The following CYGB variants were observed in gnomAD, a reference collection of about 807,000 sequenced individuals.
The protein encoded by CYGB is cytoglobin.
Under a neutral mutation model 20.7 loss-of-function variants are expected in CYGB, and 13 were observed. The observed-to-expected ratio is 0.63, with a 90% CI of 0.41 to 1.00. The LOEUF is 1.00. CYGB is among the 50% of genes least tolerant of loss of function. The probability of loss-of-function intolerance (pLI) is 0.00; values close to 1 mark genes in which losing one functional copy is unlikely to be tolerated. For missense variants in CYGB, 218 were observed against 257.2 expected (o/e 0.85, Z 1.04); for synonymous variants, 93 against 107.4 (o/e 0.87, Z 0.83).
rs1408831647 is a variant in CYGB at position 76,531,605 on chromosome 17, T to C, written c.230A>G (p.Gln77Arg). The change falls in exon 2 of 4, where the codon CAG becomes CGG. Residue 77 changes from glutamine to arginine, a missense_variant. By Grantham distance (43) the Gln-to-Arg change is conservative. Around this residue, in one of 2 missense-constraint regions of CYGB, gnomAD observed 152 missense variants for 149.9 expected, o/e 1.01. Transcript: ENST00000293230. This position sits in a 1 kb window ranked among gnomAD's most constrained non-coding sequence, Gnocchi z 7.4. ...GACTCGGCAGGCGTGCTTCCGCAGC[T>C]GGGGGCTCCGCTCCATCTCCAGGGG... Reference protein sequence around the residue: ...EDPLEMERSPQLRKHACRVMG... With the variant: ...EDPLEMERSPRLRKHACRVMG... The C allele has an allele frequency of 9.9e-6, 16 of 1,613,740 alleles. No homozygotes were observed. Among genetic ancestry groups the C allele is most frequent in the Non-Finnish European group, 1.4e-5 (16 of 1,179,648 alleles).
intron 1 of CYGB, among the ~76,000 whole-genome samples, chr17:76,535,484 G>A (rs150044095): frequency 6.6e-6 from 1 of 152,152 alleles, no homozygotes; most frequent in East Asian, 1.9e-4. Context: ...AGGAAAGCAA[G>A]GCCCTGTGGG....
chr17:76,540,678 C>A, upstream of CYGB: 1 of 1,178,114 alleles, frequency 8.5e-7, no homozygotes, highest in Non-Finnish European at 1.2e-6. This position sits in a 1 kb window ranked among gnomAD's most constrained non-coding sequence, Gnocchi z 5.0. Context: ...TGTGCGTGCA[C>A]CGTATCCTGG....
At chr17:76,540,475 G>A (rs747350100), upstream of CYGB, 5 of 1,611,776 alleles carry the variant, frequency 3.1e-6, no homozygotes, top group Non-Finnish European at 4.2e-6. The surrounding 1 kb of genome is among the most constrained non-coding windows in gnomAD (Gnocchi z 5.0). Context: ...CACAGCCATA[G>A]CTCTTCCTCC....
Position 76,531,221 on chromosome 17 carries a change from T to C in CYGB, c.376-79A>G. On this transcript the variant is annotated intron_variant, in intron 2 of 3. Coordinates refer to ENST00000293230, the MANE Select transcript of CYGB (RefSeq NM_134268.5). This position sits in a 1 kb window ranked among gnomAD's most constrained non-coding sequence, Gnocchi z 7.4. Reference sequence around the variant, plus strand: ...AACCCCCAGGCCCCTCCGCCCCACGTGTGGCCGAGAGGATCATTCCTAACG... The same window carrying C: ...AACCCCCAGGCCCCTCCGCCCCACGCGTGGCCGAGAGGATCATTCCTAACG... The C allele has an allele frequency of 6.9e-7, 1 of 1,448,740 alleles. No individual in the cohort carries two copies. Among genetic ancestry groups the C allele is most frequent in the Non-Finnish European group, 9.5e-7 (1 of 1,057,790 alleles). The allele number at this position is 1,448,740 out of a possible 1,614,324, so 89.7% of individuals were successfully genotyped here.
chr17:76,544,240 C>T (rs144319284), intron 1 of CYGB: 33 of 454,466 alleles, frequency 7.3e-5, no homozygotes, highest in Non-Finnish European at 1.3e-4. Flanking sequence ...AGCCAGCCCC[C>T]CTCCCAGCCC....
upstream of CYGB, chr17:76,540,537 G>A (rs1227914077): frequency 1.2e-6 from 2 of 1,613,652 alleles, no homozygotes; most frequent in Non-Finnish European, 8.5e-7. This position sits in a 1 kb window ranked among gnomAD's most constrained non-coding sequence, Gnocchi z 5.0. Context: ...GCAGCTAGGG[G>A]CAGCAGCTTG....
In CYGB at chr17:76,530,324, G is replaced by A. The variant is rs1157287768; in HGVS notation, c.539+655C>T. 6.6e-6 allele frequency among the ~76,000 whole-genome samples: 1 copy of A among 152,038 alleles called. No individual in the cohort carries two copies. Among genetic ancestry groups the A allele is most frequent in the Non-Finnish European group, 1.5e-5 (1 of 68,002 alleles). On this transcript the variant is annotated intron_variant, in intron 3 of 3. Transcript: ENST00000293230. The surrounding 1 kb of genome is among the most constrained non-coding windows in gnomAD (Gnocchi z 6.1). ...GGGGCTAGCCCTCCCCTCACGCTCC[G>A]AGTCAGCAGGAGTCACAGAGGGCGG...
rs2074934927 is a variant in CYGB, at chr17:76,537,627, G to C, written c.-85C>G. On this transcript the variant is annotated 5_prime_UTR_variant, in exon 1 of 4. Coordinates refer to ENST00000293230, the MANE Select transcript of CYGB (RefSeq NM_134268.5). ...CGGGGCGCGGGGCGCCGGGAGCCGGGGCCGGCTGCGTGCGCGGCGGGCGGG... is the reference window on the plus strand; with the variant it reads ...CGGGGCGCGGGGCGCCGGGAGCCGGCGCCGGCTGCGTGCGCGGCGGGCGGG... The C allele has an allele frequency of 1.0e-6, 1 of 978,688 alleles. No homozygotes were observed. Among genetic ancestry groups the C allele is most frequent in the Non-Finnish European group, 1.2e-6 (1 of 825,148 alleles). The allele number at this position is 978,688 out of a possible 1,614,324, so 60.6% of individuals were successfully genotyped here.
chr17:76,546,728 T>C lies in CYGB; in HGVS notation c.-53+4134A>G. On this transcript the variant is annotated intron_variant, in intron 1 of 3. Coordinates refer to the CYGB transcript ENST00000589145. The surrounding 1 kb of genome is among the most constrained non-coding windows in gnomAD (Gnocchi z 4.5). ...ACGGAAGCTTATGTTAACATAATGA[T>C]GATACTAATCGTATGATTAATAACC... The C allele has an allele frequency of 6.6e-6, 1 of 152,252 alleles. No individual in the cohort carries two copies. The highest frequency in any genetic ancestry group is 1.9e-4 in the East Asian group (1 of 5,204). 9.4% of individuals were successfully genotyped at this position (152,252 alleles called of 1,614,324 possible).
Position 76,527,635 on chromosome 17 carries a change from C to G in CYGB, c.*943G>C, listed in dbSNP as rs1431675041. The G allele has an allele frequency of 4.4e-6, 2 of 453,690 alleles. No individual in the cohort carries two copies. Among genetic ancestry groups the G allele is most frequent in the Non-Finnish European group, 8.8e-6 (2 of 226,598 alleles). 28.1% of individuals were successfully genotyped at this position (453,690 alleles called of 1,614,324 possible). On this transcript the variant is annotated 3_prime_UTR_variant, in exon 4 of 4. Transcript: ENST00000293230. ...GGAGGAGGGTGGGGTGGGGAAAGCC[C>G]TCGGCCCTCGGAGCTGAGGGTGAGA...
intron 1 of CYGB, among the ~76,000 whole-genome samples, chr17:76,536,577 A>G (rs932559768): frequency 3.9e-5 from 6 of 152,136 alleles, no homozygotes; most frequent in African/African-American, 1.4e-4. Context: ...CATCACCTCT[A>G]TAAGGATGGT....
rs560667770 is a variant in CYGB, at chr17:76,534,474, C to T, written c.144-2783G>A. 7.2e-5 allele frequency among the ~76,000 whole-genome samples: 11 copies of T among 152,262 alleles called. No individual in the cohort carries two copies. The South Asian group carries it at 1.4e-3, about 20-fold the overall frequency. On this transcript the variant is annotated intron_variant, in intron 1 of 3. Transcript: ENST00000293230. Reference sequence around the variant, plus strand: ...GATTACAGGTGTGAGCCACGGTGCCCGGCCTGTTATTGTATTTAATTGCCA... The same window carrying T: ...GATTACAGGTGTGAGCCACGGTGCCTGGCCTGTTATTGTATTTAATTGCCA...
upstream of CYGB, among the ~76,000 whole-genome samples, chr17:76,538,981 C>A (rs966991752): frequency 2.0e-5 from 3 of 152,240 alleles, no homozygotes; most frequent in African/African-American, 7.2e-5. Flanking sequence ...GGAGAACTCA[C>A]CCTGGCCAGC....
intron 1 of CYGB, among the ~76,000 whole-genome samples, chr17:76,536,369 C>T (rs953687460): frequency 6.6e-6 from 1 of 152,240 alleles, no homozygotes; most frequent in African/African-American, 2.4e-5. Flanking sequence ...CCTTCCAGAG[C>T]GAGGCTTCAC....
At chr17:76,547,084 C>G (rs1231684564) in intron 1 of CYGB, 2 of 152,262 alleles carry the variant, frequency 1.3e-5, no homozygotes, top group African/African-American at 4.8e-5. Flanking sequence ...TGGCCAGGGT[C>G]ATTGCCACCA....
At chr17:76,539,958 G>A (rs942091796), upstream of CYGB, 8 of 635,790 alleles carry the variant, frequency 1.3e-5, no homozygotes, top group Non-Finnish European at 1.9e-5. Flanking sequence ...GGCCCAGTGA[G>A]CTTAATCAGT....
rs2074816125 is a variant in CYGB at position 76,530,025 on chromosome 17, TGAACA to T, written c.539+949_539+953del. ...GGACCTCCTCCAGGAGCTGTGCCTG[TGAACA>T]GAAGGGCCGGCAGTCTTGGGGGCCC... On this transcript the variant is annotated intron_variant, in intron 3 of 3. Transcript: ENST00000293230. This position sits in a 1 kb window ranked among gnomAD's most constrained non-coding sequence, Gnocchi z 6.1. 1.0e-6 allele frequency: 1 copy of T among 985,210 alleles called. No individual in the cohort carries two copies. Among genetic ancestry groups the T allele is most frequent in the Non-Finnish European group, 1.2e-6 (1 of 829,882 alleles). The allele number at this position is 985,210 out of a possible 1,614,324, so 61.0% of individuals were successfully genotyped here.
chr17:76,540,215 C>A (rs757471313), upstream of CYGB: 3 of 1,454,554 alleles, frequency 2.1e-6, no homozygotes, highest in Admixed American at 6.2e-5. This position sits in a 1 kb window ranked among gnomAD's most constrained non-coding sequence, Gnocchi z 5.0. Context: ...CGAGTCCAAC[C>A]GTGAGAAACT....
intron 1 of CYGB, among the ~76,000 whole-genome samples, chr17:76,548,041 C>A (rs575695333): frequency 1.3e-5 from 2 of 151,730 alleles, no homozygotes; most frequent in African/African-American, 4.8e-5. Flanking sequence ...TACACATATA[C>A]GAACATTCAC....
Sources: gnomAD v4.1 joint callset for allele counts (sites outside exome capture counted in the v4.1 genomes callset) on GRCh38, gnomAD v4.1.1 for gene constraint, gnomAD v4.1.1 regional missense constraint, Gnocchi (gnomAD v3.1) non-coding constraint, MANE v1.5 for transcripts, NCBI Gene and HGNC (gene_info 2026-07-23, HGNC 2026-07-21) for gene names.